Variants in ZNF710 observed in about 807,000 individuals in gnomAD.
The protein encoded by ZNF710 is zinc finger protein 710.
In ZNF710, 13 loss-of-function variants were observed where a neutral mutation model predicts 50.6. The ratio of observed to expected loss-of-function variants is 0.26; its 90% CI spans 0.17 to 0.41. The LOEUF (loss-of-function observed/expected upper bound fraction) is 0.41, where lower values mean the gene tolerates loss of function less well. ZNF710 is among the 10% of genes least tolerant of loss of function. The probability of loss-of-function intolerance (pLI) is 1.00; values close to 1 mark genes in which losing one functional copy is unlikely to be tolerated. For synonymous variants in ZNF710, 383 were observed against 397.0 expected (o/e 0.96, Z 0.42); for missense variants, 721 against 936.6 (o/e 0.77, Z 3.01).
chr15:90,004,769 A>G (rs2151455965), intron 1 of ZNF710, among the ~76,000 whole-genome samples: 1 of 152,344 alleles, frequency 6.6e-6, no homozygotes, highest in East Asian at 1.9e-4. Context: ...ACTTCAAAGA[A>G]TGTAGCTATG....
At chr15:90,022,532 C>T (rs1263103703) in intron 1 of ZNF710, among the ~76,000 whole-genome samples, 1 of 152,192 alleles carries the variant, frequency 6.6e-6, no homozygotes, top group Non-Finnish European at 1.5e-5. Flanking sequence ...TGTCAAAAGG[C>T]TCGGGCTTCA....
intron 1 of ZNF710, among the ~76,000 whole-genome samples, chr15:90,065,634 C>A (rs1215897939): frequency 6.6e-6 from 1 of 152,210 alleles, no homozygotes; most frequent in Non-Finnish European, 1.5e-5. Flanking sequence ...CCGGGCTCCA[C>A]AGACGGCTCA....
chr15:90,063,003 C>G (rs1900058271), intron 1 of ZNF710, among the ~76,000 whole-genome samples: 1 of 152,108 alleles, frequency 6.6e-6, no homozygotes, highest in Non-Finnish European at 1.5e-5. Flanking sequence ...GGGCCAACTG[C>G]CCAGGTGGGC....
chr15:90,002,091 G>A (rs1174030544), intron 1 of ZNF710, among the ~76,000 whole-genome samples: 2 of 151,560 alleles, frequency 1.3e-5, no homozygotes, highest in East Asian at 2.0e-4. Flanking sequence ...CCGCACGTGG[G>A]TGTCCCGGTG....
chr15:90,004,419 C>T (rs1157276474), intron 1 of ZNF710, among the ~76,000 whole-genome samples: 3 of 152,190 alleles, frequency 2.0e-5, no homozygotes, highest in South Asian at 2.1e-4. Context: ...TGATGCTTGG[C>T]GCAGGCTCAT....
At chr15:90,065,038 C>T (rs994736254) in intron 1 of ZNF710, among the ~76,000 whole-genome samples, 1 of 152,176 alleles carries the variant, frequency 6.6e-6, no homozygotes, top group East Asian at 1.9e-4. Context: ...TTTGGAAGCA[C>T]GTTTAGCCCC....
chr15:90,058,593 A>T lies in ZNF710; in HGVS notation c.-28-8517A>T, dbSNP rs1419666682. On this transcript the variant is annotated intron_variant, in intron 1 of 4. Coordinates refer to ENST00000268154, the MANE Select transcript of ZNF710 (RefSeq NM_198526.4). Reference sequence around the variant, plus strand: ...GGGCCCCCTCTGTTCCTCTGCAGTCACTGTCCTGTGGGTGGCCTGGCTGTC... The same window carrying T: ...GGGCCCCCTCTGTTCCTCTGCAGTCTCTGTCCTGTGGGTGGCCTGGCTGTC... 5.9e-5 allele frequency among the ~76,000 whole-genome samples: 9 copies of T among 151,886 alleles called. 1 individual carries two copies. Among genetic ancestry groups the T allele is most frequent in the Admixed American group, 5.9e-4 (9 of 15,246 alleles).
rs536384009 is a variant in ZNF710, at chr15:90,072,724, GTTGA to G, written c.1459-346_1459-343del. Among the ~76,000 whole-genome samples the G allele has an allele frequency of 6.0e-4, 92 of 152,282 alleles. No individual in the cohort carries two copies. In the East Asian group the frequency reaches 0.015, roughly 24 times the overall value. On this transcript the variant is annotated intron_variant, in intron 2 of 4. Transcript: ENST00000268154. ...TGGAGCAGGTGCCCGGTAAATGGTTGTTGAATGAATGAATGAATGAGCACACATT... is the reference window on the plus strand; with the variant it reads ...TGGAGCAGGTGCCCGGTAAATGGTTGATGAATGAATGAATGAGCACACATT...
At chr15:90,030,051 C>T (rs907545690) in intron 1 of ZNF710, among the ~76,000 whole-genome samples, 3 of 151,936 alleles carry the variant, frequency 2.0e-5, no homozygotes, top group East Asian at 1.9e-4. Flanking sequence ...AGCTATCGGC[C>T]GGGCACAGTG....
intron 1 of ZNF710, among the ~76,000 whole-genome samples, chr15:90,056,556 A>G (rs1567236082): frequency 6.6e-6 from 1 of 152,324 alleles, no homozygotes; most frequent in East Asian, 1.9e-4. Flanking sequence ...TCCAAGACCC[A>G]CAGCCAAAGT....
intron 1 of ZNF710, among the ~76,000 whole-genome samples, chr15:90,031,481 G>A (rs111938087): frequency 3.9e-5 from 6 of 152,316 alleles, no homozygotes; most frequent in African/African-American, 1.4e-4. Flanking sequence ...TCTCCTTTGA[G>A]GAAATCGGAA....
chr15:90,061,212 C>T (rs1276117204), intron 1 of ZNF710, among the ~76,000 whole-genome samples: 1 of 151,740 alleles, frequency 6.6e-6, no homozygotes, highest in Non-Finnish European at 1.5e-5. Context: ...CGCCTGTCAC[C>T]CAGGCTAGAG....
chr15:90,055,389 G>C (rs769313982), intron 1 of ZNF710, among the ~76,000 whole-genome samples: 1 of 152,200 alleles, frequency 6.6e-6, no homozygotes, highest in Non-Finnish European at 1.5e-5. Context: ...CATCGATGAA[G>C]TCCACGTGGC....
At chr15:90,032,971 A>G (rs1184851731) in intron 1 of ZNF710, among the ~76,000 whole-genome samples, 3 of 152,204 alleles carry the variant, frequency 2.0e-5, no homozygotes, top group Non-Finnish European at 2.9e-5. Context: ...TTCACTTAAG[A>G]GGAAATATAT....
chr15:90,017,190 T>C (rs1426868508), intron 1 of ZNF710, among the ~76,000 whole-genome samples: 1 of 152,218 alleles, frequency 6.6e-6, no homozygotes, highest in Non-Finnish European at 1.5e-5. Context: ...AAAAATATTT[T>C]TCTATTCAGA....
chr15:90,033,153 T>C (rs1898998230), intron 1 of ZNF710, among the ~76,000 whole-genome samples: 1 of 152,170 alleles, frequency 6.6e-6, no homozygotes. Flanking sequence ...TAGTTTGACA[T>C]TGGCAGGATG....
chr15:90,029,600 C>G lies in ZNF710; in HGVS notation c.-29+27986C>G, dbSNP rs1159507708. Among the ~76,000 whole-genome samples, 3 of 152,134 alleles carry G rather than the reference C, an allele frequency of 2.0e-5. No homozygotes were observed. The East Asian group carries it at 5.8e-4, about 29-fold the overall frequency. On this transcript the variant is annotated intron_variant, in intron 1 of 4. Transcript: ENST00000268154. The stretch of plus-strand genomic sequence containing the variant: ...TGGGAAAGGTAGCAAGACCCAGTCT[C>G]TACAAAAAAATTTTTTGTTCTGTTT...
At chr15:90,005,435 A>G (rs1315278243) in intron 1 of ZNF710, among the ~76,000 whole-genome samples, 1 of 152,138 alleles carries the variant, frequency 6.6e-6, no homozygotes, top group Admixed American at 6.5e-5. Context: ...GTGCAAAACA[A>G]TAGGTTTTTT....
At chr15:90,033,662 G>A (rs28662807) in intron 1 of ZNF710, among the ~76,000 whole-genome samples, 77,838 of 152,004 alleles carry the variant, frequency 0.51, 21,416 homozygotes, top group African/African-American at 0.69. Context: ...GGGCCTGAGC[G>A]ATCCTCCCAA....
Sources: allele counts gnomAD v4.1 joint callset (sites outside exome capture counted in the v4.1 genomes callset), GRCh38; gene constraint gnomAD v4.1.1; transcripts MANE v1.5; gene names NCBI Gene and HGNC (gene_info 2026-07-23, HGNC 2026-07-21).